CACNA1E: variants seen among roughly 807,000 people sequenced by gnomAD.
The protein encoded by CACNA1E is voltage-dependent R-type calcium channel subunit alpha-1E.
In CACNA1E, 40 loss-of-function variants were observed where a neutral mutation model predicts 259.2. That is an observed-to-expected ratio of 0.15 (90% CI 0.12 to 0.20). The LOEUF is 0.20. Ranked by LOEUF, CACNA1E falls within the 10% of genes least tolerant of loss-of-function variation. CACNA1E has a pLI of 1.00. For synonymous variants in CACNA1E, 1,104 were observed against 1,138.5 expected (o/e 0.97, Z 0.61); for missense variants, 1,874 against 3,040.1 (o/e 0.62, Z 9.02).
chr1:181,655,514 C>T (rs546138971), intron 7 of CACNA1E, among the ~76,000 whole-genome samples: 7 of 152,182 alleles, frequency 4.6e-5, no homozygotes, highest in African/African-American at 1.7e-4. Context: ...ATACCTAGCT[C>T]GAATACCAAT....
rs778671834 is a variant in CACNA1E, at chr1:181,750,495, T to C, written c.3731+8T>C. 1.2e-6 allele frequency: 2 copies of C among 1,612,562 alleles called. No individual in the cohort carries two copies. Among genetic ancestry groups the C allele is most frequent in the Non-Finnish European group, 1.7e-6 (2 of 1,178,720 alleles). On this transcript the variant is annotated splice_region_variant and intron_variant, in intron 26 of 47. Transcript: ENST00000367573. ...CCATAGGAACGCTTTGGGGTAAATATGTTCGATTATCTTTGAAGTAAACGA... is the reference window on the plus strand; with the variant it reads ...CCATAGGAACGCTTTGGGGTAAATACGTTCGATTATCTTTGAAGTAAACGA...
At chr1:181,751,182 A>G (rs1243431555) in intron 26 of CACNA1E, among the ~76,000 whole-genome samples, 1 of 152,258 alleles carries the variant, frequency 6.6e-6, no homozygotes, top group Admixed American at 6.5e-5. Context: ...ATAAATGACA[A>G]CTATTTGAAT....
intron 6 of CACNA1E, among the ~76,000 whole-genome samples, chr1:181,629,935 G>T (rs1239589797): frequency 5.3e-5 from 8 of 152,156 alleles, no homozygotes; most frequent in African/African-American, 1.9e-4. Flanking sequence ...AGATCTAGGT[G>T]CTTGTCCTGG....
intron 8 of CACNA1E, 66 bp downstream of exon 8, chr1:181,711,135 T>A: frequency 9.7e-7 from 1 of 1,033,438 alleles, no homozygotes; most frequent in Non-Finnish European, 1.5e-6. Flanking sequence ...GGCCCCTCAC[T>A]CCCAATGCTC....
rs1311193243 is a variant in CACNA1E, at chr1:181,802,712, T to A, written c.*3878T>A. 6.6e-6 allele frequency: 1 copy of A among 152,204 alleles called. No individual in the cohort carries two copies. The highest frequency in any genetic ancestry group is 1.5e-5 in the Non-Finnish European group (1 of 68,028). The allele number at this position is 152,204 out of a possible 1,614,324, so 9.4% of individuals were successfully genotyped here. A position where few individuals can be genotyped will look rare whatever the true frequency, so the allele number is the denominator to read the frequency against. The stretch of plus-strand genomic sequence containing the variant: ...GGGGGTGGACAAAATGCCCACCTAC[T>A]GGATAAAAGCTCACTGCAGGAAAAT... On this transcript the variant is annotated 3_prime_UTR_variant, in exon 48 of 48. Coordinates refer to ENST00000367573, the MANE Select transcript of CACNA1E (RefSeq NM_001205293.3).
rs1428652122 is a variant in CACNA1E at position 181,408,260 on chromosome 1, A to C, written c.-14-4873A>C. Among the ~76,000 whole-genome samples the C allele has an allele frequency of 2.0e-5, 3 of 151,926 alleles. 1 individual carries two copies. Among genetic ancestry groups the C allele is most frequent in the Non-Finnish European group, 4.4e-5 (3 of 67,944 alleles). ...GGAGGAATCAGAAAGAGAGTGGTGG[A>C]GGGGTGGGAATAGGATGGGCATGCA... On this transcript the variant is annotated intron_variant, in intron 1 of 11. Coordinates refer to the CACNA1E transcript ENST00000524607.
chr1:181,716,504 G>A (rs1653916356), intron 10 of CACNA1E, among the ~76,000 whole-genome samples: 1 of 152,170 alleles, frequency 6.6e-6, no homozygotes, highest in Admixed American at 6.5e-5. Context: ...GGACACGGAT[G>A]TGAGATCTTG....
intron 37 of CACNA1E, among the ~76,000 whole-genome samples, chr1:181,775,165 T>C (rs1441023491): frequency 6.6e-6 from 1 of 152,152 alleles, no homozygotes; most frequent in East Asian, 1.9e-4. Context: ...ATTTTATTGG[T>C]TTTGATGGGA....
chr1:181,678,034 C>T (rs1324788912), intron 7 of CACNA1E, among the ~76,000 whole-genome samples: 2 of 152,204 alleles, frequency 1.3e-5, no homozygotes, highest in South Asian at 4.2e-4. Flanking sequence ...GATGACCATG[C>T]GGGACATAGT....
At chr1:181,750,220 T>C (rs1657468867) in intron 25 of CACNA1E, among the ~76,000 whole-genome samples, 1 of 152,266 alleles carries the variant, frequency 6.6e-6, no homozygotes, top group Admixed American at 6.5e-5. Flanking sequence ...CAGAGGGCCT[T>C]CGCCCCTGCA....
At chr1:181,383,169 C>T (rs778753704) in intron 1 of CACNA1E, among the ~76,000 whole-genome samples, 10 of 152,246 alleles carry the variant, frequency 6.6e-5, no homozygotes, top group Non-Finnish European at 1.3e-4. Flanking sequence ...TATCTCTTTT[C>T]AGGCATTTAT....
At chr1:181,777,481 G>A (rs1372872937) in intron 38 of CACNA1E, among the ~76,000 whole-genome samples, 1 of 152,170 alleles carries the variant, frequency 6.6e-6, no homozygotes, top group African/African-American at 2.4e-5. Flanking sequence ...TAATGACTTA[G>A]GGTACAGAGT....
chr1:181,327,048 G>C (rs757239313), intron 1 of CACNA1E, among the ~76,000 whole-genome samples: 3 of 152,166 alleles, frequency 2.0e-5, no homozygotes, highest in African/African-American at 4.8e-5. Context: ...CTGACACTGT[G>C]CTCCTTAGGT....
chr1:181,770,317 G>A (rs1254467758), intron 35 of CACNA1E, among the ~76,000 whole-genome samples: 1 of 152,170 alleles, frequency 6.6e-6, no homozygotes, highest in East Asian at 1.9e-4. Context: ...GGGAAGGAGG[G>A]TGCATGTGAA....
chr1:181,762,262 A>G (rs1260148422), intron 32 of CACNA1E, among the ~76,000 whole-genome samples: 1 of 152,254 alleles, frequency 6.6e-6, no homozygotes, highest in African/African-American at 2.4e-5. Context: ...TTTTAAATAC[A>G]TAAATATTTG....
intron 22 of CACNA1E, 132 bp downstream of exon 22, chr1:181,736,566 A>G: frequency 1.2e-6 from 1 of 827,524 alleles, no homozygotes; most frequent in Non-Finnish European, 1.9e-6. Context: ...GAGCATGGCC[A>G]GACATTGAGC....
rs58602780 is a variant in CACNA1E, at chr1:181,436,987, TTA to T, written c.434+23409_434+23410del. Among the ~76,000 whole-genome samples, 193 of 152,284 alleles carry T rather than the reference TTA, an allele frequency of 1.3e-3. 1 individual carries two copies. Among genetic ancestry groups the T allele is most frequent in the African/African-American group, 4.5e-3 (189 of 41,562 alleles). ...TAAACCCCATAAATATATACAATTA[TTA>T]TGTCAATTAAAATGAATTAAAATAA... is the stretch of plus-strand genomic sequence containing the variant. On this transcript the variant is annotated intron_variant, in intron 2 of 11. Coordinates refer to the CACNA1E transcript ENST00000524607.
intron 43 of CACNA1E, among the ~76,000 whole-genome samples, chr1:181,786,610 A>G (rs1321709833): frequency 2.0e-5 from 3 of 152,252 alleles, no homozygotes; most frequent in African/African-American, 7.2e-5. Flanking sequence ...TTAATCTACT[A>G]TAGCATATGT....
intron 25 of CACNA1E, among the ~76,000 whole-genome samples, chr1:181,749,001 G>C (rs1657356425): frequency 6.6e-6 from 1 of 152,194 alleles, no homozygotes; most frequent in Admixed American, 6.5e-5. Context: ...TGAACATTTA[G>C]AGGTTATCAC....
Sources: allele counts gnomAD v4.1 joint callset (sites outside exome capture counted in the v4.1 genomes callset), GRCh38; gene constraint gnomAD v4.1.1; transcripts MANE v1.5; gene names NCBI Gene and HGNC (gene_info 2026-07-23, HGNC 2026-07-21).